Variants in LRP1B observed in about 807,000 individuals in gnomAD.
LRP1B encodes the protein low-density lipoprotein receptor-related protein 1B.
In LRP1B, 217 loss-of-function variants were observed where a neutral mutation model predicts 556.6. That is an observed-to-expected ratio of 0.39 (90% CI 0.35 to 0.44). The LOEUF is 0.44. Among genes scored for constraint, LRP1B ranks in the 20% least tolerant of loss-of-function variants. The probability of loss-of-function intolerance (pLI) is 1.00; values close to 1 mark genes in which losing one functional copy is unlikely to be tolerated. For synonymous variants in LRP1B, 2,047 were observed against 1,865.8 expected, an observed-to-expected ratio of 1.10 and a Z score of -2.50; for missense variants, 5,053 against 5,620.8, an observed-to-expected ratio of 0.90 and a Z score of 3.23.
chr2:142,054,674 T>C lies in LRP1B; in HGVS notation c.82+75974A>G, dbSNP rs900780074. Among the ~76,000 whole-genome samples the C allele has an allele frequency of 7.2e-5, 11 of 152,282 alleles. No individual in the cohort carries two copies. The South Asian group carries it at 1.2e-3, about 17-fold the overall frequency. On this transcript the variant is annotated intron_variant, in intron 1 of 90. Transcript: ENST00000389484. Reference sequence around the variant, plus strand: ...ATTCCTTCAGTAGAGTGGAAGCTCCTACAGTGAGTGAACTCTGTCTTATTC... The same window carrying C: ...ATTCCTTCAGTAGAGTGGAAGCTCCCACAGTGAGTGAACTCTGTCTTATTC...
At chr2:140,466,124 C>CTTTTTTTT (rs74381027) in intron 60 of LRP1B, among the ~76,000 whole-genome samples, 13 of 125,686 alleles carry the variant, frequency 1.0e-4, no homozygotes, top group South Asian at 5.1e-4. Context: ...TTTCTTTTTT[C>CTTTTTTTT]TTTTTTTTTT....
At chr2:142,003,049 A>C (rs975193104) in intron 1 of LRP1B, among the ~76,000 whole-genome samples, 1 of 152,194 alleles carries the variant, frequency 6.6e-6, no homozygotes, top group Non-Finnish European at 1.5e-5. Context: ...ATGATTAGAG[A>C]GCATATCAAA....
chr2:141,428,391 T>A (rs1402995052), intron 3 of LRP1B, among the ~76,000 whole-genome samples: 2 of 152,270 alleles, frequency 1.3e-5, no homozygotes, highest in East Asian at 3.9e-4. Flanking sequence ...CATGCACACA[T>A]GTACCCTAGA....
chr2:141,892,344 G>A (rs1699316471), intron 1 of LRP1B, among the ~76,000 whole-genome samples: 1 of 151,828 alleles, frequency 6.6e-6, no homozygotes, highest in African/African-American at 2.4e-5. Flanking sequence ...CTTGAAATAA[G>A]ATATGAATAA....
chr2:141,229,241 T>A lies in LRP1B; in HGVS notation c.792A>T (p.Ile264=), dbSNP rs748791125. The change falls in exon 6 of 91, where the codon ATA becomes ATT. Residue 264 remains isoleucine (I), a synonymous_variant. Transcript: ENST00000389484. ...CATCTGTTAATCCTCCTGCTTTTGTTATCTGGATACATTTGAGTTGATTTG... is the reference window on the plus strand; with the variant it reads ...CATCTGTTAATCCTCCTGCTTTTGTAATCTGGATACATTTGAGTTGATTTG... ...ESSNQLKCIQ[I]TKAGGLTDEW... 4 of 1,612,646 alleles carry A rather than the reference T, an allele frequency of 2.5e-6. No homozygotes were observed. The Middle Eastern group carries it at 5.0e-4, about 200-fold the overall frequency.
At chr2:141,201,975 G>A (rs1161851410) in intron 6 of LRP1B, among the ~76,000 whole-genome samples, 2 of 152,118 alleles carry the variant, frequency 1.3e-5, no homozygotes, top group African/African-American at 4.8e-5. Flanking sequence ...CAAGTTTTAA[G>A]TTCAGTGGTA....
chr2:142,114,410 C>T (rs1026951743), intron 1 of LRP1B, among the ~76,000 whole-genome samples: 3 of 152,226 alleles, frequency 2.0e-5, no homozygotes, highest in Non-Finnish European at 2.9e-5. Flanking sequence ...AGCAACCCCA[C>T]TGCAGAGTAT....
chr2:141,188,275 C>T (rs1681350431), intron 7 of LRP1B, 146 bp downstream of exon 7: 1 of 742,716 alleles, frequency 1.3e-6, no homozygotes, highest in Non-Finnish European at 2.2e-6. Context: ...AGCCTTTTTT[C>T]CTTCCTGCGA....
chr2:141,444,211 CT>C lies in LRP1B; in HGVS notation c.343+36184del, dbSNP rs1336547742. Among the ~76,000 whole-genome samples, 27 of 152,238 alleles carry C rather than the reference CT, an allele frequency of 1.8e-4. 1 individual carries two copies. Among genetic ancestry groups the C allele is most frequent in the African/African-American group, 6.3e-4 (26 of 41,550 alleles). ...TGTAGCAACTCTGGATGGGAGTTCA[CT>C]CATGATTTGGCTCTCTGTTTGTCTA... On this transcript the variant is annotated intron_variant, in intron 3 of 90. Coordinates refer to ENST00000389484, the MANE Select transcript of LRP1B (RefSeq NM_018557.3).
chr2:141,746,567 C>A (rs975633002), intron 2 of LRP1B, among the ~76,000 whole-genome samples: 1 of 152,012 alleles, frequency 6.6e-6, no homozygotes, highest in African/African-American at 2.4e-5. Context: ...CTTTTCTAAC[C>A]TCTTCAGTGC....
At position 141,000,236 on chromosome 2, in the gene LRP1B, A is replaced by T. The variant is rs1256891827; in HGVS notation, c.2503+5099T>A. 3.9e-5 allele frequency among the ~76,000 whole-genome samples: 6 copies of T among 152,008 alleles called. No individual in the cohort carries two copies. The East Asian group carries it at 1.2e-3, about 29-fold the overall frequency. On this transcript the variant is annotated intron_variant, in intron 15 of 90. Transcript: ENST00000389484. ...ACTTGGCCAGACAGGGCCATTTCTA[A>T]TAGAGTACAGTACCCAAGCAAATAT...
At chr2:141,096,321 CTCACTCCTGTAA>C (rs1700299117) in intron 7 of LRP1B, among the ~76,000 whole-genome samples, 1 of 152,070 alleles carries the variant, frequency 6.6e-6, no homozygotes, top group South Asian at 2.1e-4. Context: ...GGCGCAGTGG[CTCACTCCTGTAA>C]TCCCAGCACT....
intron 1 of LRP1B, among the ~76,000 whole-genome samples, chr2:142,015,075 A>T (rs1703076678): frequency 6.6e-6 from 1 of 152,216 alleles, no homozygotes; most frequent in African/African-American, 2.4e-5. Context: ...TTGTTTCCTT[A>T]TGGTAAAATG....
chr2:140,560,321 G>A (rs886069408), intron 43 of LRP1B, among the ~76,000 whole-genome samples: 5 of 152,112 alleles, frequency 3.3e-5, no homozygotes, highest in Non-Finnish European at 4.4e-5. Flanking sequence ...TGGTTTAGAA[G>A]AGAGTTTATT....
intron 2 of LRP1B, among the ~76,000 whole-genome samples, chr2:141,772,594 A>G (rs1248298805): frequency 6.6e-6 from 1 of 152,180 alleles, no homozygotes; most frequent in Non-Finnish European, 1.5e-5. Context: ...ACCGCATGCT[A>G]AAGTTTGAGA....
chr2:140,833,840 G>C (rs925111815), intron 31 of LRP1B, among the ~76,000 whole-genome samples: 3 of 151,948 alleles, frequency 2.0e-5, no homozygotes, highest in Non-Finnish European at 4.4e-5. Context: ...TTTTAAAGGG[G>C]TTAAAAAAAT....
intron 3 of LRP1B, among the ~76,000 whole-genome samples, chr2:141,381,128 A>G (rs1001125712): frequency 1.3e-5 from 2 of 152,172 alleles, no homozygotes; most frequent in African/African-American, 4.8e-5. Flanking sequence ...ATAGATAACA[A>G]AAAATAATGG....
intron 41 of LRP1B, among the ~76,000 whole-genome samples, 157 bp downstream of exon 41, chr2:140,700,093 G>C (rs1686578097): frequency 6.7e-6 from 1 of 150,060 alleles, no homozygotes. Flanking sequence ...CATTTGGCGG[G>C]GGGGTGGGGG....
intron 8 of LRP1B, among the ~76,000 whole-genome samples, chr2:141,060,508 C>T (rs971100307): frequency 4.0e-5 from 6 of 151,716 alleles, no homozygotes; most frequent in Non-Finnish European, 8.8e-5. Flanking sequence ...TATAAGCAAG[C>T]TCAAGACTCT....
Sources: gnomAD v4.1 joint callset for allele counts (sites outside exome capture counted in the v4.1 genomes callset) on GRCh38, gnomAD v4.1.1 for gene constraint, MANE v1.5 for transcripts, NCBI Gene and HGNC (gene_info 2026-07-23, HGNC 2026-07-21) for gene names.